The following TAFA2 variants were observed in gnomAD, a reference collection of about 807,000 sequenced individuals.
TAFA2 encodes the protein chemokine-like protein TAFA-2.
Under a neutral mutation model 18.8 loss-of-function variants are expected in TAFA2, and 7 were observed. The ratio of observed to expected loss-of-function variants is 0.37; its 90% CI spans 0.21 to 0.70. TAFA2 has a LOEUF of 0.70. Ranked by LOEUF, TAFA2 falls within the 30% of genes least tolerant of loss-of-function variation. The pLI is 0.53. For synonymous variants in TAFA2, 60 were observed against 54.2 expected (o/e 1.11, Z -0.47); for missense variants, 122 against 158.1 (o/e 0.77, Z 1.23).
intron 1 of TAFA2, among the ~76,000 whole-genome samples, chr12:61,937,489 G>A (rs566769365): frequency 6.6e-6 from 1 of 152,010 alleles, no homozygotes; most frequent in East Asian, 1.9e-4. Context: ...AGAGAACCCA[G>A]AAAAAAAGCC....
At chr12:61,982,313 T>C (rs1055886114) in intron 1 of TAFA2, among the ~76,000 whole-genome samples, 3 of 151,936 alleles carry the variant, frequency 2.0e-5, no homozygotes, top group East Asian at 1.9e-4. Context: ...GGGGGAGAGA[T>C]AGCATTAGGA....
intron 1 of TAFA2, among the ~76,000 whole-genome samples, chr12:61,902,069 T>C (rs1876125931): frequency 7.0e-6 from 1 of 141,910 alleles, no homozygotes; most frequent in Non-Finnish European, 1.5e-5. Flanking sequence ...AATCTATTGA[T>C]GTAATCATGG....
At chr12:61,755,114 G>A in intron 2 of TAFA2, 90 bp from the exon 3 acceptor site, 2 of 1,184,232 alleles carry the variant, frequency 1.7e-6, no homozygotes, top group Admixed American at 4.4e-5. Context: ...ATTAAATATA[G>A]CTCTATAAGG....
chr12:61,815,462 C>T (rs1209546455), intron 2 of TAFA2, among the ~76,000 whole-genome samples: 2 of 150,984 alleles, frequency 1.3e-5, no homozygotes, highest in East Asian at 3.9e-4. Context: ...GTCAGGTGAT[C>T]GAGACCATCC....
intron 2 of TAFA2, among the ~76,000 whole-genome samples, chr12:61,859,764 T>C (rs190988017): frequency 1.3e-5 from 2 of 152,146 alleles, no homozygotes; most frequent in Non-Finnish European, 2.9e-5. Context: ...TACTCTATTG[T>C]TCAAAAATAA....
chr12:61,735,021 T>C lies in TAFA2; in HGVS notation c.384+18601A>G, dbSNP rs555780966. On this transcript the variant is annotated intron_variant, in intron 4 of 4. Transcript: ENST00000416284. ...TTAAATGAGCTAGTATGTATAAAGT[T>C]CTTGGAGTTGTTTGGCCATAGTGAG... 4.4e-4 allele frequency among the ~76,000 whole-genome samples: 67 copies of C among 152,144 alleles called. 1 individual carries two copies. In the South Asian group the frequency reaches 0.013, roughly 29 times the overall value.
In TAFA2 at chr12:62,010,940, C is replaced by T. The variant is rs11611888; in HGVS notation, c.-1-143514G>A. Among the ~76,000 whole-genome samples, 149 of 109,484 alleles carry T rather than the reference C, an allele frequency of 1.4e-3. 1 individual carries two copies. The highest frequency in any genetic ancestry group is 6.3e-3 in the Middle Eastern group (1 of 160). 71.8% of individuals were successfully genotyped at this position (109,484 alleles called of 152,430 possible). A position where few individuals can be genotyped will look rare whatever the true frequency, so the allele number is the denominator to read the frequency against. On this transcript the variant is annotated intron_variant, in intron 1 of 4. Transcript: ENST00000416284. Reference sequence around the variant, plus strand: ...CCCTTCGTCTGGGAGGTGGGGAGCGCCTCTGCCCGGCCGCCCTTCGTCTGG... The same window carrying T: ...CCCTTCGTCTGGGAGGTGGGGAGCGTCTCTGCCCGGCCGCCCTTCGTCTGG...
chr12:62,144,052 A>G (rs2062260683), intron 1 of TAFA2, among the ~76,000 whole-genome samples: 1 of 149,866 alleles, frequency 6.7e-6, no homozygotes, highest in African/African-American at 2.4e-5. Context: ...TATCTTAAAA[A>G]AAAAAAAAAA....
At chr12:62,199,773 T>C (rs2062663721) in intron 1 of TAFA2, among the ~76,000 whole-genome samples, 1 of 152,174 alleles carries the variant, frequency 6.6e-6, no homozygotes, top group Admixed American at 6.5e-5. Flanking sequence ...ATATACCCAG[T>C]AATGGCATTG....
intron 1 of TAFA2, among the ~76,000 whole-genome samples, chr12:61,885,126 T>C (rs1230550168): frequency 6.6e-6 from 1 of 152,118 alleles, no homozygotes; most frequent in East Asian, 1.9e-4. Context: ...ATTATAAAAA[T>C]AAGAAAACTG....
chr12:61,908,903 A>G (rs1233782660), intron 1 of TAFA2, among the ~76,000 whole-genome samples: 2 of 152,124 alleles, frequency 1.3e-5, no homozygotes, highest in Admixed American at 6.5e-5. Context: ...CTAAACCAAA[A>G]TGATATCAGC....
intron 1 of TAFA2, among the ~76,000 whole-genome samples, chr12:62,109,248 A>G (rs1869609972): frequency 6.6e-6 from 1 of 152,152 alleles, no homozygotes; most frequent in East Asian, 1.9e-4. Flanking sequence ...TCCTTTCCCC[A>G]TTGCTTGTTT....
chr12:62,022,494 A>G (rs1453375261), intron 1 of TAFA2, among the ~76,000 whole-genome samples: 1 of 152,210 alleles, frequency 6.6e-6, no homozygotes, highest in Non-Finnish European at 1.5e-5. Flanking sequence ...AATAATAATA[A>G]TAACAATAAT....
chr12:61,963,337 C>T (rs1047965946), intron 1 of TAFA2, among the ~76,000 whole-genome samples: 31 of 152,002 alleles, frequency 2.0e-4, no homozygotes, highest in African/African-American at 5.8e-4. Flanking sequence ...TCCTGTTTCG[C>T]CACATCCTCT....
intron 1 of TAFA2, among the ~76,000 whole-genome samples, chr12:62,008,230 A>G (rs1880620939): frequency 1.4e-5 from 2 of 144,208 alleles, no homozygotes; most frequent in African/African-American, 5.2e-5. Context: ...CTACCATGTA[A>G]GATATTTTTT....
At chr12:61,744,438 TA>T (rs1329115058) in intron 4 of TAFA2, among the ~76,000 whole-genome samples, 8 of 152,262 alleles carry the variant, frequency 5.3e-5, no homozygotes, top group African/African-American at 1.4e-4. Flanking sequence ...CCGGATGATA[TA>T]TTTTTTTGCA....
Position 62,115,084 on chromosome 12 carries a change from T to C in TAFA2, c.-2+76175A>G, listed in dbSNP as rs79956727. 5.9e-5 allele frequency among the ~76,000 whole-genome samples: 9 copies of C among 152,316 alleles called. No homozygotes were observed. In the East Asian group the frequency reaches 1.7e-3, roughly 29 times the overall value. On this transcript the variant is annotated intron_variant, in intron 1 of 4. Transcript: ENST00000416284. ...ATATTTTCTCAAAACATTGACCTCC[T>C]TTGGGTAATTTCTTCCCTATAATTT...
At position 61,923,207 on chromosome 12, in the gene TAFA2, A is replaced by C. The variant is rs77729422; in HGVS notation, c.-1-55781T>G. ...CCTGCCTGTCGGCTCTAAAGAGAGC[A>C]GTAGATCTCCCAGCACAAAGCTGAA... On this transcript the variant is annotated intron_variant, in intron 1 of 4. Coordinates refer to ENST00000416284, the MANE Select transcript of TAFA2 (RefSeq NM_178539.5). 8.1e-3 allele frequency among the ~76,000 whole-genome samples: 1,227 copies of C among 152,312 alleles called. 16 individuals carry two copies. Among genetic ancestry groups the C allele is most frequent in the African/African-American group, 0.028 (1,184 of 41,566 alleles).
chr12:62,064,814 T>A (rs1357304183), intron 1 of TAFA2, among the ~76,000 whole-genome samples: 7 of 152,132 alleles, frequency 4.6e-5, no homozygotes, highest in East Asian at 3.9e-4. Flanking sequence ...AGCTTCCAAA[T>A]GAGCATGGTT....
Sources: gnomAD v4.1 joint callset for allele counts (sites outside exome capture counted in the v4.1 genomes callset) on GRCh38, gnomAD v4.1.1 for gene constraint, MANE v1.5 for transcripts, NCBI Gene and HGNC (gene_info 2026-07-23, HGNC 2026-07-21) for gene names.